Variants in DGKB observed in about 807,000 individuals in gnomAD.
DGKB encodes the protein 90 kDa diacylglycerol kinase.
DGKB carries 67 observed loss-of-function variants against 114.3 expected under a neutral mutation model. That is an observed-to-expected ratio of 0.59 (90% CI 0.48 to 0.72). The LOEUF (loss-of-function observed/expected upper bound fraction) is 0.72. Among genes scored for constraint, DGKB ranks in the 30% least tolerant of loss-of-function variants. DGKB has a pLI of 0.00. For missense variants in DGKB, 907 were observed against 975.2 expected (o/e 0.93, Z 0.93); for synonymous variants, 398 against 323.1 (o/e 1.23, Z -2.49).
intron 17 of DGKB, among the ~76,000 whole-genome samples, chr7:14,589,059 A>T (rs1478666277): frequency 6.6e-6 from 1 of 151,976 alleles, no homozygotes; most frequent in Non-Finnish European, 1.5e-5. Flanking sequence ...CATATTCTTT[A>T]ATATCCTTCA....
At chr7:14,689,199 A>ATTTTTTTTATTTT (rs1554599100) in intron 9 of DGKB, among the ~76,000 whole-genome samples, 4 of 76,572 alleles carry the variant, frequency 5.2e-5, no homozygotes, top group East Asian at 7.0e-4. Context: ...AACTCCTCTT[A>ATTTTTTTTATTTT]TTTTTTTTTT....
At chr7:14,559,740 G>T (rs1471217035) in intron 20 of DGKB, among the ~76,000 whole-genome samples, 1 of 152,128 alleles carries the variant, frequency 6.6e-6, no homozygotes, top group African/African-American at 2.4e-5. Context: ...CAAAGCCTTG[G>T]ATCTCAAACA....
At chr7:14,621,046 A>G (rs1378558013) in intron 15 of DGKB, 1 of 173,728 alleles carries the variant, frequency 5.8e-6, no homozygotes, top group Admixed American at 6.3e-5. Flanking sequence ...ATAAATATAT[A>G]GAGAGATATA....
intron 20 of DGKB, among the ~76,000 whole-genome samples, chr7:14,521,731 A>G (rs188644122): frequency 7.1e-4 from 108 of 152,260 alleles, no homozygotes; most frequent in Middle Eastern, 3.4e-3. Context: ...TGATAACAAC[A>G]TCTATGTTTT....
At chr7:14,767,055 C>T (rs1172879746) in intron 2 of DGKB, among the ~76,000 whole-genome samples, 1 of 151,094 alleles carries the variant, frequency 6.6e-6, no homozygotes, top group African/African-American at 2.4e-5. Context: ...ATATAGGCAA[C>T]TCATTCAAAA....
In DGKB at chr7:14,829,462, A is replaced by G. The variant is rs530294763; in HGVS notation, c.70+11732T>C. Among the ~76,000 whole-genome samples, 15 of 152,252 alleles carry G rather than the reference A, an allele frequency of 9.9e-5. No individual in the cohort carries two copies. The South Asian group carries it at 3.1e-3, about 32-fold the overall frequency. ...TTTTAGATACCCAAGCACTTGAAAG[A>G]ATCTGTGACAGGGAAACTAGAAGGG... is the stretch of plus-strand genomic sequence containing the variant. On this transcript the variant is annotated intron_variant, in intron 2 of 25. Transcript: ENST00000402815.
At chr7:14,711,003 C>A (rs1827269853) in intron 6 of DGKB, among the ~76,000 whole-genome samples, 1 of 152,012 alleles carries the variant, frequency 6.6e-6, no homozygotes, top group South Asian at 2.1e-4. Flanking sequence ...ATGCTTCCTT[C>A]TCCCAAATAT....
intron 1 of DGKB, among the ~76,000 whole-genome samples, chr7:14,910,878 T>C (rs1337177791): frequency 1.3e-5 from 2 of 152,210 alleles, no homozygotes; most frequent in African/African-American, 4.8e-5. Flanking sequence ...GCTTGAAATA[T>C]TGATATTTTA....
At chr7:14,867,638 T>A (rs190439292) in intron 1 of DGKB, among the ~76,000 whole-genome samples, 1 of 152,146 alleles carries the variant, frequency 6.6e-6, no homozygotes, top group Non-Finnish European at 1.5e-5. Flanking sequence ...TAAATATGTA[T>A]AAATTATTAA....
intron 23 of DGKB, among the ~76,000 whole-genome samples, chr7:14,214,960 C>T (rs895173889): frequency 6.6e-6 from 1 of 152,128 alleles, no homozygotes; most frequent in Non-Finnish European, 1.5e-5. Context: ...ATTGCTTCTC[C>T]TCCCACTCAA....
intron 25 of DGKB, among the ~76,000 whole-genome samples, chr7:14,159,510 T>C (rs1783537438): frequency 6.6e-6 from 1 of 152,174 alleles, no homozygotes; most frequent in Non-Finnish European, 1.5e-5. Context: ...GTGGGACTAT[T>C]TGAGTTATGT....
At chr7:14,547,615 G>T (rs1000019721) in intron 20 of DGKB, among the ~76,000 whole-genome samples, 2 of 151,892 alleles carry the variant, frequency 1.3e-5, no homozygotes, top group Non-Finnish European at 2.9e-5. Context: ...ACATCTTCAG[G>T]AATACACTCT....
chr7:14,563,661 A>G (rs1203090535), intron 20 of DGKB, among the ~76,000 whole-genome samples: 1 of 129,604 alleles, frequency 7.7e-6, no homozygotes, highest in Non-Finnish European at 1.7e-5. Context: ...TTTTTTTTTA[A>G]GTTGGTTCTT....
At chr7:14,588,077 G>A (rs1255038158) in intron 17 of DGKB, among the ~76,000 whole-genome samples, 1 of 152,044 alleles carries the variant, frequency 6.6e-6, no homozygotes, top group African/African-American at 2.4e-5. Flanking sequence ...TTTTCGCAAA[G>A]AAGGTGCACC....
chr7:14,312,675 A>G (rs773137966), intron 23 of DGKB, among the ~76,000 whole-genome samples: 2 of 152,350 alleles, frequency 1.3e-5, no homozygotes, highest in Middle Eastern at 3.4e-3. Context: ...CACTTTGTTC[A>G]TGGAACACCT....
chr7:14,750,763 T>G (rs1833982264), intron 4 of DGKB, among the ~76,000 whole-genome samples: 1 of 151,920 alleles, frequency 6.6e-6, no homozygotes, highest in African/African-American at 2.4e-5. Context: ...CCCTGCAGTG[T>G]TCTTTCCCTT....
chr7:14,235,912 A>C (rs1433292645), intron 23 of DGKB, among the ~76,000 whole-genome samples: 1 of 152,042 alleles, frequency 6.6e-6, no homozygotes, highest in East Asian at 1.9e-4. Flanking sequence ...TACCTAGTGC[A>C]CGTGTGCACA....
chr7:14,543,162 G>C (rs897941538), intron 20 of DGKB, among the ~76,000 whole-genome samples: 1 of 152,086 alleles, frequency 6.6e-6, no homozygotes, highest in Non-Finnish European at 1.5e-5. Context: ...TGTCAAGAAA[G>C]ACCATGGCCA....
intron 23 of DGKB, among the ~76,000 whole-genome samples, chr7:14,289,337 A>G (rs1435800541): frequency 6.6e-6 from 1 of 152,178 alleles, no homozygotes; most frequent in African/African-American, 2.4e-5. Flanking sequence ...AAAATTTATC[A>G]ATAAAAGTAA....
Sources: gnomAD v4.1 joint callset for allele counts (sites outside exome capture counted in the v4.1 genomes callset) on GRCh38, gnomAD v4.1.1 for gene constraint, MANE v1.5 for transcripts, NCBI Gene and HGNC (gene_info 2026-07-23, HGNC 2026-07-21) for gene names.